SYT10: variants seen among roughly 807,000 people sequenced by gnomAD.
SYT10 encodes the protein synaptotagmin-10.
In SYT10, 31 loss-of-function variants were observed where a neutral mutation model predicts 51.1. That is an observed-to-expected ratio of 0.61 (90% CI 0.46 to 0.82). The LOEUF (loss-of-function observed/expected upper bound fraction) is 0.82, where lower values mean the gene tolerates loss of function less well. SYT10 is among the 40% of genes least tolerant of loss of function. SYT10 has a pLI of 0.00. For missense variants in SYT10, 603 were observed against 634.0 expected (o/e 0.95, Z 0.53); for synonymous variants, 233 against 225.9 (o/e 1.03, Z -0.28).
At chr12:33,428,906 A>C (rs186393891) in intron 1 of SYT10, among the ~76,000 whole-genome samples, 1,508 of 128,496 alleles carry the variant, frequency 0.012, 13 homozygotes, top group Non-Finnish European at 0.016. Context: ...ACTCTGCTTC[A>C]GAAAAAAAAA....
chr12:33,398,722 AAC>A (rs869190594), intron 3 of SYT10, among the ~76,000 whole-genome samples: 1 of 99,114 alleles, frequency 1.0e-5, no homozygotes, highest in South Asian at 3.9e-4. Context: ...TCTAAACAAT[AAC>A]AAAAACCTAC....
At chr12:33,385,315 GCAATTT>G in intron 3 of SYT10, 24 bp from the exon 4 acceptor site, 1 of 1,610,364 alleles carries the variant, frequency 6.2e-7, no homozygotes, top group Non-Finnish European at 8.5e-7. Context: ...CGGCATGTTA[GCAATTT>G]CAAACATTGA....
rs1866050650 is a variant in SYT10 at position 33,374,985 on chromosome 12, T to C, written c.*1845A>G. ...GTCATTCTATTAATAGTATAACTTTTTGTCTTCCTATTTGAAAAGTTTTAT... is the reference window on the plus strand; with the variant it reads ...GTCATTCTATTAATAGTATAACTTTCTGTCTTCCTATTTGAAAAGTTTTAT... On this transcript the variant is annotated 3_prime_UTR_variant, in exon 7 of 7. Transcript: ENST00000228567. The C allele has an allele frequency of 6.6e-6, 1 of 152,040 alleles. No homozygotes were observed. The highest frequency in any genetic ancestry group is 2.4e-5 in the African/African-American group (1 of 41,438). 9.4% of individuals were successfully genotyped at this position (152,040 alleles called of 1,614,324 possible). A position where few individuals can be genotyped will look rare whatever the true frequency, so the allele number is the denominator to read the frequency against.
intron 2 of SYT10, among the ~76,000 whole-genome samples, chr12:33,417,085 A>T (rs918704230): frequency 6.6e-5 from 10 of 152,178 alleles, no homozygotes; most frequent in African/African-American, 2.4e-4. Context: ...AAGAGGAAGA[A>T]GGTGATAGAA....
intron 3 of SYT10, among the ~76,000 whole-genome samples, chr12:33,403,735 T>A (rs1279048360): frequency 6.6e-6 from 1 of 152,168 alleles, no homozygotes; most frequent in African/African-American, 2.4e-5. Context: ...TCTTAAAAAT[T>A]AATGACGTGT....
chr12:33,390,565 C>CTT (rs1555114464), intron 3 of SYT10, among the ~76,000 whole-genome samples: 15 of 119,106 alleles, frequency 1.3e-4, no homozygotes, highest in African/African-American at 5.1e-4. Context: ...AAAACTCCAC[C>CTT]CTCTATATAT....
At chr12:33,397,087 G>T (rs1866262820) in intron 3 of SYT10, among the ~76,000 whole-genome samples, 1 of 152,144 alleles carries the variant, frequency 6.6e-6, no homozygotes, top group Non-Finnish European at 1.5e-5. Flanking sequence ...TTCTCCTAAG[G>T]TAATGAGCAC....
rs200239253 is a variant in SYT10, at chr12:33,439,539, C to A, written c.-17G>T. 89 of 1,610,820 alleles carry A rather than the reference C, an allele frequency of 5.5e-5. No homozygotes were observed. The African/African-American group carries it at 1.1e-3, about 20-fold the overall frequency. On this transcript the variant is annotated 5_prime_UTR_variant, in exon 1 of 7. Coordinates refer to ENST00000228567, the MANE Select transcript of SYT10 (RefSeq NM_198992.4). The stretch of plus-strand genomic sequence containing the variant: ...GAAACTCATCGTTTGGCTTTTCTTT[C>A]GTTTTCTCTTTTTTTCCCAGTTAGC...
intron 3 of SYT10, among the ~76,000 whole-genome samples, chr12:33,402,801 T>C (rs1866317754): frequency 6.6e-6 from 1 of 152,080 alleles, no homozygotes; most frequent in African/African-American, 2.4e-5. Flanking sequence ...AATGAAAATT[T>C]GTAGGAATGA....
intron 2 of SYT10, chr12:33,408,308 C>G (rs1041594742): frequency 7.2e-5 from 11 of 151,924 alleles, no homozygotes; most frequent in Admixed American, 3.3e-4. Flanking sequence ...ATGCTGTGGT[C>G]TTCAGAAACT....
intron 3 of SYT10, among the ~76,000 whole-genome samples, chr12:33,393,075 G>A (rs1866224262): frequency 7.1e-6 from 1 of 141,074 alleles, no homozygotes; most frequent in African/African-American, 2.7e-5. Context: ...TTTAGCTCTT[G>A]TCCTATCCAA....
chr12:33,378,893 T>C (rs1221761297), intron 6 of SYT10, among the ~76,000 whole-genome samples: 1 of 152,034 alleles, frequency 6.6e-6, no homozygotes, highest in Non-Finnish European at 1.5e-5. Context: ...TTTTATGATT[T>C]ATACTAAATT....
chr12:33,412,798 C>T (rs538131050), intron 2 of SYT10, among the ~76,000 whole-genome samples: 1 of 152,158 alleles, frequency 6.6e-6, no homozygotes, highest in Non-Finnish European at 1.5e-5. Context: ...CAAAGGAATG[C>T]AGCTCCTCGC....
chr12:33,411,291 A>C (rs987230359), intron 2 of SYT10, among the ~76,000 whole-genome samples: 1 of 143,530 alleles, frequency 7.0e-6, no homozygotes, highest in African/African-American at 2.8e-5. Context: ...TATATAACAT[A>C]ATTATGTAAT....
At chr12:33,412,159 A>G (rs1866412246) in intron 2 of SYT10, among the ~76,000 whole-genome samples, 1 of 152,086 alleles carries the variant, frequency 6.6e-6, no homozygotes, top group Admixed American at 6.6e-5. Flanking sequence ...ATAAAACTTC[A>G]ATTTTCTATC....
chr12:33,409,831 T>G (rs1357846178), intron 2 of SYT10, among the ~76,000 whole-genome samples: 1 of 135,088 alleles, frequency 7.4e-6, no homozygotes, highest in Non-Finnish European at 1.5e-5. Context: ...TGACAGGAGC[T>G]GAGGATGTTG....
intron 1 of SYT10, 42 bp from the exon 2 acceptor site, chr12:33,426,537 C>T: frequency 7.1e-7 from 1 of 1,401,960 alleles, no homozygotes; most frequent in Non-Finnish European, 9.5e-7. Context: ...TAATATTGTA[C>T]ATAAAAAAGC....
chr12:33,439,654 A>G lies in SYT10; in HGVS notation c.-132T>C, dbSNP rs1866668637. 7 of 1,158,460 alleles carry G rather than the reference A, an allele frequency of 6.0e-6. No homozygotes were observed. In the East Asian group the frequency reaches 1.8e-4, roughly 30 times the overall value. The allele number at this position is 1,158,460 out of a possible 1,614,324, so 71.8% of individuals were successfully genotyped here. On this transcript the variant is annotated 5_prime_UTR_variant, in exon 1 of 7. Transcript: ENST00000228567. ...ACTTTGGCTGGAGATTGCGCCGCTG[A>G]GAGCCGGCAACTCTTAGGAGCCCCA...
chr12:33,425,003 T>A (rs114781679), intron 2 of SYT10, among the ~76,000 whole-genome samples: 3,781 of 152,228 alleles, frequency 0.025, 165 homozygotes, highest in African/African-American at 0.085. Flanking sequence ...TATTCTTACT[T>A]ATCCCTCTGG....
Sources: allele counts gnomAD v4.1 joint callset (sites outside exome capture counted in the v4.1 genomes callset), GRCh38; gene constraint gnomAD v4.1.1; transcripts MANE v1.5; gene names NCBI Gene and HGNC (gene_info 2026-07-23, HGNC 2026-07-21).